VOPP1: variants seen among roughly 807,000 people sequenced by gnomAD.
VOPP1 encodes the protein VOPP1 WW domain binding protein.
A neutral mutation model predicts 23.5 loss-of-function variants in VOPP1; 8 were observed. That is an observed-to-expected ratio of 0.34 (90% CI 0.20 to 0.61). The LOEUF is 0.61. Among genes scored for constraint, VOPP1 ranks in the 20% least tolerant of loss-of-function variants. The probability of loss-of-function intolerance (pLI) is 0.78; values close to 1 mark genes in which losing one functional copy is unlikely to be tolerated. For synonymous variants in VOPP1, 83 were observed against 97.3 expected (o/e 0.85, Z 0.86); for missense variants, 174 against 238.1 (o/e 0.73, Z 1.77).
intron 2 of VOPP1, among the ~76,000 whole-genome samples, chr7:55,505,918 A>C (rs1202371345): frequency 6.6e-6 from 1 of 152,206 alleles, no homozygotes; most frequent in Non-Finnish European, 1.5e-5. Flanking sequence ...ATGCTATCAA[A>C]CATCTCTATT....
chr7:55,541,084 C>T (rs1255101184), intron 1 of VOPP1, among the ~76,000 whole-genome samples: 1 of 152,120 alleles, frequency 6.6e-6, no homozygotes, highest in East Asian at 1.9e-4. Context: ...TCTTACCGCT[C>T]AATATCAAAA....
chr7:55,571,686 T>TCCGCAGAATTTCCTCC (rs1031027000), intron 1 of VOPP1: 1 of 152,268 alleles, frequency 6.6e-6, no homozygotes, highest in African/African-American at 2.4e-5. Context: ...AGCCAGGCTC[T>TCCGCAGAATTTCCTCC]CCGCAGAATT....
intron 2 of VOPP1, among the ~76,000 whole-genome samples, chr7:55,505,547 G>A (rs1794652975): frequency 1.3e-5 from 2 of 151,560 alleles, no homozygotes; most frequent in Non-Finnish European, 2.9e-5. Context: ...ATCGGTTTCA[G>A]CATCGGGATT....
intron 1 of VOPP1, among the ~76,000 whole-genome samples, chr7:55,556,048 T>G (rs554144730): frequency 7.2e-5 from 11 of 152,328 alleles, no homozygotes; most frequent in Admixed American, 2.0e-4. Flanking sequence ...TGGAAGCCCC[T>G]CTGCTGCTTA....
At chr7:55,473,628 C>T (rs1792011415) in intron 4 of VOPP1, among the ~76,000 whole-genome samples, 1 of 152,212 alleles carries the variant, frequency 6.6e-6, no homozygotes, top group South Asian at 2.1e-4. Flanking sequence ...ACGGGGGCAC[C>T]ACAGAAGGTG....
intron 4 of VOPP1, among the ~76,000 whole-genome samples, chr7:55,481,039 G>A (rs2129012940): frequency 6.6e-6 from 1 of 152,370 alleles, no homozygotes; most frequent in East Asian, 1.9e-4. Context: ...CCTTGTGTCT[G>A]CAGGCCTCAT....
At chr7:55,526,091 C>G (rs914341576) in intron 1 of VOPP1, among the ~76,000 whole-genome samples, 1 of 152,208 alleles carries the variant, frequency 6.6e-6, no homozygotes, top group Admixed American at 6.5e-5. Context: ...GTGTGCAGAG[C>G]AGAGACAATA....
intron 1 of VOPP1, among the ~76,000 whole-genome samples, chr7:55,537,971 C>T (rs575682840): frequency 6.6e-6 from 1 of 152,338 alleles, no homozygotes; most frequent in Admixed American, 6.5e-5. Flanking sequence ...TTCCTCTCCA[C>T]CAGCCAGCAA....
chr7:55,564,668 C>A (rs1485805053), intron 1 of VOPP1, among the ~76,000 whole-genome samples: 1 of 152,096 alleles, frequency 6.6e-6, no homozygotes, highest in Non-Finnish European at 1.5e-5. Context: ...GATAAGGAAA[C>A]CCTCCCTCCT....
chr7:55,456,249 A>C (rs1791364074), intron 4 of VOPP1, among the ~76,000 whole-genome samples: 1 of 152,208 alleles, frequency 6.6e-6, no homozygotes, highest in African/African-American at 2.4e-5. Context: ...CACATTGAGA[A>C]ACCAACTCGT....
Position 55,564,243 on chromosome 7 carries a change from G to GTCTCTCTCTCTCTGTC in VOPP1, c.54+8027_54+8028insGACAGAGAGAGAGAGA, listed in dbSNP as rs1554302405. Among the ~76,000 whole-genome samples the GTCTCTCTCTCTCTGTC allele has an allele frequency of 5.6e-5, 7 of 125,984 alleles. No individual in the cohort carries two copies. The South Asian group carries it at 1.7e-3, about 30-fold the overall frequency. 82.7% of individuals were successfully genotyped at this position (125,984 alleles called of 152,430 possible). On this transcript the variant is annotated intron_variant, in intron 1 of 4. Coordinates refer to ENST00000285279, the MANE Select transcript of VOPP1 (RefSeq NM_030796.5). ...CAACACACTCTTTCTCTCTGTCTCT[G>GTCTCTCTCTCTCTGTC]TCTCTCTCTCTCTCTCTCTCTCTCG...
chr7:55,440,955 A>G (rs1285076510), intron 4 of VOPP1, among the ~76,000 whole-genome samples: 2 of 152,216 alleles, frequency 1.3e-5, no homozygotes, highest in Non-Finnish European at 2.9e-5. Context: ...AAAGAGGGGC[A>G]CGGAACACAC....
chr7:55,469,735 T>G (rs922394808), downstream of VOPP1, among the ~76,000 whole-genome samples: 1 of 152,164 alleles, frequency 6.6e-6, no homozygotes, highest in African/African-American at 2.4e-5. Flanking sequence ...CCTACTAATT[T>G]GGGGGAGTGC....
At chr7:55,453,095 A>G (rs1367358819) in intron 4 of VOPP1, among the ~76,000 whole-genome samples, 1 of 152,196 alleles carries the variant, frequency 6.6e-6, no homozygotes, top group African/African-American at 2.4e-5. Context: ...TCTTAGCTAG[A>G]TCTTCTGCAT....
At chr7:55,498,630 A>G (rs531729316) in intron 2 of VOPP1, among the ~76,000 whole-genome samples, 1 of 152,290 alleles carries the variant, frequency 6.6e-6, no homozygotes, top group African/African-American at 2.4e-5. Flanking sequence ...CTTCTCTACA[A>G]TATTAAACCA....
chr7:55,506,735 T>G (rs1240466857), intron 2 of VOPP1, among the ~76,000 whole-genome samples: 1 of 151,910 alleles, frequency 6.6e-6, no homozygotes, highest in Non-Finnish European at 1.5e-5. Flanking sequence ...GCCTCCCAGG[T>G]TCAAGAGATT....
chr7:55,532,519 A>G (rs993680139), intron 1 of VOPP1, among the ~76,000 whole-genome samples: 5 of 152,270 alleles, frequency 3.3e-5, no homozygotes, highest in Admixed American at 2.0e-4. Flanking sequence ...AACATTCTCT[A>G]CAACGTACTT....
chr7:55,525,514 C>G (rs569645084), intron 1 of VOPP1, among the ~76,000 whole-genome samples: 65 of 151,342 alleles, frequency 4.3e-4, no homozygotes, highest in African/African-American at 1.6e-3. Context: ...AGAGTACAGA[C>G]TCTCTTCCCT....
intron 4 of VOPP1, among the ~76,000 whole-genome samples, chr7:55,460,473 T>A (rs184309295): frequency 6.6e-6 from 1 of 152,272 alleles, no homozygotes; most frequent in East Asian, 1.9e-4. Flanking sequence ...GTCTAGGTGA[T>A]CTGTTAAAAA....
Sources: allele counts gnomAD v4.1 joint callset (sites outside exome capture counted in the v4.1 genomes callset), GRCh38; gene constraint gnomAD v4.1.1; transcripts MANE v1.5; gene names NCBI Gene and HGNC (gene_info 2026-07-23, HGNC 2026-07-21).